Variants in SETD2 observed in about 807,000 individuals in gnomAD.
SETD2 encodes histone-lysine N-methyltransferase SETD2.
A neutral mutation model predicts 242.1 loss-of-function variants in SETD2; 31 were observed. The observed-to-expected ratio is 0.13, with a 90% confidence interval of 0.10 to 0.17. The LOEUF is 0.17. SETD2 is among the 10% of genes least tolerant of loss of function. The pLI, the probability that SETD2 is intolerant of heterozygous loss-of-function variation, is 1.00. For synonymous variants in SETD2, 1,006 were observed against 1,066.5 expected, an observed-to-expected ratio of 0.94 and a Z score of 1.11; for missense variants, 2,481 against 3,046.3, an observed-to-expected ratio of 0.81 and a Z score of 4.37.
chr3:47,089,076 C>T (rs1353216763), intron 9 of SETD2, among the ~76,000 whole-genome samples: 1 of 152,176 alleles, frequency 6.6e-6, no homozygotes, highest in African/African-American at 2.4e-5. Context: ...CAAAGAATTA[C>T]ATGCTATATG....
chr3:47,048,522 C>A (rs2039636987), intron 15 of SETD2, among the ~76,000 whole-genome samples: 1 of 152,184 alleles, frequency 6.6e-6, no homozygotes, highest in African/African-American at 2.4e-5. Flanking sequence ...CTGTACACTA[C>A]TGTAGACTAT....
At chr3:47,066,285 G>A (rs986838148) in intron 13 of SETD2, among the ~76,000 whole-genome samples, 8 of 152,168 alleles carry the variant, frequency 5.3e-5, no homozygotes, top group Non-Finnish European at 4.4e-5. Flanking sequence ...TCGACGCACA[G>A]GGTATCTGTA....
At position 47,105,984 on chromosome 3, in the gene SETD2, C is replaced by G. The variant is rs951770673; in HGVS notation, c.4839+13G>C. On this transcript the variant is annotated intron_variant, in intron 6 of 20. Transcript: ENST00000409792. Reference sequence around the variant, plus strand: ...CAGATCTGTTTCAAGGCAAACATATCCAAGCTGCTTACCTCATCATTCTTC... The same window carrying G: ...CAGATCTGTTTCAAGGCAAACATATGCAAGCTGCTTACCTCATCATTCTTC... 7.5e-6 allele frequency: 12 copies of G among 1,610,048 alleles called. No individual in the cohort carries two copies. In the African/African-American group the frequency reaches 9.4e-5, roughly 13 times the overall value.
chr3:47,080,735 A>C, intron 12 of SETD2: 1 of 948,618 alleles, frequency 1.1e-6, no homozygotes, highest in Non-Finnish European at 1.3e-6. Context: ...TAGGAGTCAA[A>C]ATGTGTAAGC....
At chr3:47,035,798 T>C (rs544520412) in intron 18 of SETD2, among the ~76,000 whole-genome samples, 3 of 152,156 alleles carry the variant, frequency 2.0e-5, no homozygotes, top group Non-Finnish European at 2.9e-5. Context: ...TCAAAAGATA[T>C]AACTAACACA....
intron 16 of SETD2, among the ~76,000 whole-genome samples, chr3:47,044,407 G>C (rs1378644765): frequency 8.4e-6 from 1 of 118,542 alleles, no homozygotes; most frequent in African/African-American, 3.2e-5. Context: ...GGCTCAACTC[G>C]TAACAAGCAC....
intron 16 of SETD2, 30 bp from the exon 17 acceptor site, chr3:47,042,730 A>C: frequency 6.4e-7 from 1 of 1,571,706 alleles, no homozygotes; most frequent in Non-Finnish European, 8.6e-7. Flanking sequence ...ATTTTTGATC[A>C]GTGATCTCTC....
chr3:47,143,780 G>A (rs1445500357), intron 1 of SETD2, among the ~76,000 whole-genome samples: 2 of 151,832 alleles, frequency 1.3e-5, no homozygotes, highest in Non-Finnish European at 2.9e-5. Flanking sequence ...GCGCGATCTC[G>A]GCTCACTGCA....
Position 47,017,067 on chromosome 3 carries a change from C to A in SETD2, c.*26G>T. Reference sequence around the variant, plus strand: ...CCCTAGAGTCTGTCTTACCTGACCACCCATCCTCCCACCCTGGCCCAACAG... The same window carrying A: ...CCCTAGAGTCTGTCTTACCTGACCAACCATCCTCCCACCCTGGCCCAACAG... On this transcript the variant is annotated 3_prime_UTR_variant, in exon 21 of 21. Transcript: ENST00000409792. This position sits in a 1 kb window ranked among gnomAD's most constrained non-coding sequence, Gnocchi z 4.8. The A allele has an allele frequency of 6.2e-7, 1 of 1,611,450 alleles. No individual in the cohort carries two copies. The highest frequency in any genetic ancestry group is 8.5e-7 in the Non-Finnish European group (1 of 1,178,368).
intron 12 of SETD2, 93 bp from the exon 13 acceptor site, chr3:47,067,211 G>T: frequency 1.1e-6 from 1 of 949,702 alleles, no homozygotes. Context: ...ATAAAGAAAT[G>T]GAAAGTAACA....
chr3:47,017,779 A>G lies in SETD2; in HGVS notation c.7432-40T>C, dbSNP rs751557117. 2.9e-6 allele frequency: 4 copies of G among 1,377,010 alleles called. No individual in the cohort carries two copies. The highest frequency in any genetic ancestry group is 4.2e-6 in the Non-Finnish European group (4 of 963,790). The allele number at this position is 1,377,010 out of a possible 1,614,324, so 85.3% of individuals were successfully genotyped here. A position where few individuals can be genotyped will look rare whatever the true frequency, so the allele number is the denominator to read the frequency against. Reference sequence around the variant, plus strand: ...AAGAGAACACGTTGCTCAACAGTCCAGAGAGGGCAAGGAGTTGTACTGAGG... The same window carrying G: ...AAGAGAACACGTTGCTCAACAGTCCGGAGAGGGCAAGGAGTTGTACTGAGG... On this transcript the variant is annotated intron_variant, in intron 19 of 20. Transcript: ENST00000409792. The surrounding 1 kb of genome is among the most constrained non-coding windows in gnomAD (Gnocchi z 4.8).
Position 47,124,488 on chromosome 3 carries a change from C to T in SETD2, c.148G>A (p.Ala50Thr), listed in dbSNP as rs191985301. 99 of 1,551,736 alleles carry T rather than the reference C, an allele frequency of 6.4e-5. No individual in the cohort carries two copies. Among genetic ancestry groups the T allele is most frequent in the Non-Finnish European group, 5.3e-5 (61 of 1,146,978 alleles). Residue 50 changes from alanine to threonine, a missense_variant, in exon 3 of 21, where the codon GCT becomes ACT. Physicochemically the swap from Ala to Thr is moderately conservative, Grantham distance 58. Coordinates refer to ENST00000409792, the MANE Select transcript of SETD2 (RefSeq NM_014159.7). ...FIKGPMFKGV[A>T]SSRFLPKGTK... is the part of the protein sequence containing the mutation. ...CCTTTGGGCAAAAATCGACTAGAAG[C>T]AACACCTTTGAACATTGGTCCTTTG...
chr3:47,139,762 C>T (rs573257939), intron 1 of SETD2, among the ~76,000 whole-genome samples: 136 of 152,074 alleles, frequency 8.9e-4, no homozygotes, highest in Middle Eastern at 3.4e-3. Flanking sequence ...GAAAAATATA[C>T]GTTATTTATG....
chr3:47,162,573 A>G (rs1254852653), intron 1 of SETD2, among the ~76,000 whole-genome samples: 1 of 152,236 alleles, frequency 6.6e-6, no homozygotes, highest in Non-Finnish European at 1.5e-5. Flanking sequence ...TGTTGCAATC[A>G]AAACTATCAA....
chr3:47,089,424 G>A (rs1399526466), intron 9 of SETD2, among the ~76,000 whole-genome samples: 1 of 152,108 alleles, frequency 6.6e-6, no homozygotes, highest in Non-Finnish European at 1.5e-5. Context: ...TCCAGCCTGG[G>A]TGACACAGTG....
chr3:47,137,170 T>C (rs1327820961), intron 1 of SETD2, among the ~76,000 whole-genome samples: 1 of 152,112 alleles, frequency 6.6e-6, no homozygotes, highest in African/African-American at 2.4e-5. Flanking sequence ...ATTTTATTCC[T>C]AGCATTTATT....
At chr3:47,102,250 G>C (rs578097994) in intron 7 of SETD2, among the ~76,000 whole-genome samples, 1 of 152,366 alleles carries the variant, frequency 6.6e-6, no homozygotes, top group East Asian at 1.9e-4. Context: ...ACTGTACAGT[G>C]AGAGTCTCAC....
intron 18 of SETD2, among the ~76,000 whole-genome samples, chr3:47,031,901 A>T (rs1252600333): frequency 6.6e-6 from 1 of 152,200 alleles, no homozygotes; most frequent in Non-Finnish European, 1.5e-5. Flanking sequence ...CAATAATATA[A>T]TTTTTTGTGA....
chr3:47,059,509 T>A (rs2040244082), intron 14 of SETD2, among the ~76,000 whole-genome samples: 1 of 151,380 alleles, frequency 6.6e-6, no homozygotes, highest in Non-Finnish European at 1.5e-5. Context: ...AACCTCTGCC[T>A]CCCGGGTTCA....
Sources: gnomAD v4.1 joint callset for allele counts (sites outside exome capture counted in the v4.1 genomes callset) on GRCh38, gnomAD v4.1.1 for gene constraint, Gnocchi (gnomAD v3.1) non-coding constraint, MANE v1.5 for transcripts, NCBI Gene and HGNC (gene_info 2026-07-23, HGNC 2026-07-21) for gene names.